The following RIT2 variants were observed in gnomAD, a reference collection of about 807,000 sequenced individuals.
The protein encoded by RIT2 is GTP-binding protein Rit2.
Under a neutral mutation model 23.7 loss-of-function variants are expected in RIT2, and 24 were observed. That is an observed-to-expected ratio of 1.01 (90% confidence interval 0.73 to 1.43). The LOEUF (loss-of-function observed/expected upper bound fraction) is 1.43, where lower values mean the gene tolerates loss of function less well. RIT2 is among the 40% of genes most tolerant of loss of function. RIT2 has a pLI of 0.00. For missense variants in RIT2, 236 were observed against 266.9 expected, an observed-to-expected ratio of 0.88 and a Z score of 0.81; for synonymous variants, 107 against 91.1, an observed-to-expected ratio of 1.17 and a Z score of -0.99.
At chr18:42,862,380 C>A (rs1004028241) in intron 4 of RIT2, among the ~76,000 whole-genome samples, 2 of 152,114 alleles carry the variant, frequency 1.3e-5, no homozygotes, top group Non-Finnish European at 2.9e-5. Context: ...TCAATTAAAC[C>A]TTTTTCATCA....
intron 4 of RIT2, among the ~76,000 whole-genome samples, chr18:42,809,360 A>G (rs1486767166): frequency 1.3e-5 from 2 of 152,124 alleles, no homozygotes; most frequent in Non-Finnish European, 2.9e-5. Context: ...AAGCTGCCCA[A>G]TCACATGTGA....
At chr18:42,797,111 C>T (rs1905388160) in intron 4 of RIT2, among the ~76,000 whole-genome samples, 1 of 151,858 alleles carries the variant, frequency 6.6e-6, no homozygotes, top group Non-Finnish European at 1.5e-5. Flanking sequence ...TACACCAGGC[C>T]CTCAGGAGAT....
chr18:42,764,044 T>C (rs1343246689), intron 4 of RIT2, among the ~76,000 whole-genome samples: 4 of 152,184 alleles, frequency 2.6e-5, no homozygotes, highest in African/African-American at 9.7e-5. Context: ...TTTTTCTGGG[T>C]ATAAGGTGAG....
intron 3 of RIT2, among the ~76,000 whole-genome samples, chr18:42,973,618 A>G (rs1180213910): frequency 6.6e-6 from 1 of 151,776 alleles, no homozygotes; most frequent in Non-Finnish European, 1.5e-5. Flanking sequence ...TCTTCCCTAC[A>G]GGTTTGCAAA....
chr18:42,857,229 C>G (rs1004485687), intron 4 of RIT2, among the ~76,000 whole-genome samples: 2 of 152,082 alleles, frequency 1.3e-5, no homozygotes, highest in African/African-American at 4.8e-5. Context: ...CGTTCCACAG[C>G]AAAACATTAT....
At chr18:42,820,993 T>C in intron 4 of RIT2, among the ~76,000 whole-genome samples, 1 of 152,230 alleles carries the variant, frequency 6.6e-6, no homozygotes, top group South Asian at 2.1e-4. Flanking sequence ...GTCAAGCTTC[T>C]CTTTGTTCTC....
At chr18:43,074,384 G>A (rs1302294449) in intron 1 of RIT2, among the ~76,000 whole-genome samples, 1 of 152,064 alleles carries the variant, frequency 6.6e-6, no homozygotes, top group Admixed American at 6.6e-5. Flanking sequence ...CTGTACAAAT[G>A]GTTCTGTAAC....
intron 3 of RIT2, among the ~76,000 whole-genome samples, chr18:42,955,117 A>C (rs926887288): frequency 1.3e-5 from 2 of 152,186 alleles, no homozygotes; most frequent in Non-Finnish European, 2.9e-5. Context: ...GCAGTAATTA[A>C]ATTATCAGAA....
At chr18:42,905,368 T>A (rs984018863) in intron 4 of RIT2, among the ~76,000 whole-genome samples, 7 of 152,212 alleles carry the variant, frequency 4.6e-5, no homozygotes, top group South Asian at 2.1e-4. Context: ...TAAAACTTGC[T>A]GTATATATGT....
rs144826059 is a variant in RIT2, at chr18:42,947,161, T to C, written c.235-23398A>G. 9.9e-5 allele frequency among the ~76,000 whole-genome samples: 15 copies of C among 152,186 alleles called. No homozygotes were observed. In the East Asian group the frequency reaches 1.9e-3, roughly 20 times the overall value. ...ATCCAAGCATTTAGACATATGGATA[T>C]GGGGAAAACTGACCTTCAAGAGGAC... On this transcript the variant is annotated intron_variant, in intron 3 of 4. Transcript: ENST00000326695.
chr18:43,094,880 G>A (rs1356604072), intron 1 of RIT2, among the ~76,000 whole-genome samples: 1 of 146,450 alleles, frequency 6.8e-6, no homozygotes, highest in Non-Finnish European at 1.5e-5. Flanking sequence ...TCCCTGCAAA[G>A]GACACGAACT....
chr18:42,901,101 T>C (rs1908464405), intron 4 of RIT2, among the ~76,000 whole-genome samples: 1 of 152,048 alleles, frequency 6.6e-6, no homozygotes, highest in Admixed American at 6.6e-5. Context: ...TGTTATTTGC[T>C]GCCAACTGCT....
At chr18:42,802,162 G>A (rs936561523) in intron 4 of RIT2, among the ~76,000 whole-genome samples, 3 of 152,180 alleles carry the variant, frequency 2.0e-5, no homozygotes, top group African/African-American at 7.2e-5. Flanking sequence ...TTAAAAGCAT[G>A]AATTTTAATT....
chr18:42,965,895 C>T (rs2144192762), intron 3 of RIT2, among the ~76,000 whole-genome samples: 1 of 151,720 alleles, frequency 6.6e-6, no homozygotes, highest in Admixed American at 6.6e-5. Context: ...TCCTACTCAC[C>T]TTCACAGAAA....
At chr18:42,984,498 T>C (rs1910665472) in intron 2 of RIT2, among the ~76,000 whole-genome samples, 1 of 152,054 alleles carries the variant, frequency 6.6e-6, no homozygotes, top group Non-Finnish European at 1.5e-5. Flanking sequence ...CAATATCCTG[T>C]TTGTGACACT....
chr18:42,997,141 T>C (rs1286645594), intron 2 of RIT2, among the ~76,000 whole-genome samples: 7 of 152,160 alleles, frequency 4.6e-5, no homozygotes, highest in East Asian at 3.9e-4. Context: ...TTATAGCACA[T>C]AATTCACTCC....
chr18:42,927,680 T>A (rs1161151321), intron 3 of RIT2, among the ~76,000 whole-genome samples: 1 of 152,000 alleles, frequency 6.6e-6, no homozygotes, highest in East Asian at 1.9e-4. Context: ...CCAGATTCCA[T>A]CTGCTATCTA....
At chr18:42,976,333 G>C (rs139708562) in intron 2 of RIT2, among the ~76,000 whole-genome samples, 194 of 152,134 alleles carry the variant, frequency 1.3e-3, no homozygotes, top group African/African-American at 4.4e-3. Context: ...TAAAAACTTA[G>C]ACAATTTCAG....
chr18:43,001,387 G>T (rs1031679478), intron 2 of RIT2, among the ~76,000 whole-genome samples: 3 of 151,876 alleles, frequency 2.0e-5, no homozygotes, highest in African/African-American at 4.8e-5. Flanking sequence ...AAATATTTTA[G>T]CTCTATATAA....
Sources: allele counts gnomAD v4.1 joint callset (sites outside exome capture counted in the v4.1 genomes callset), GRCh38; gene constraint gnomAD v4.1.1; transcripts MANE v1.5; gene names NCBI Gene and HGNC (gene_info 2026-07-23, HGNC 2026-07-21).